Variants in PACS1 observed in about 807,000 individuals in gnomAD.
PACS1 encodes phosphofurin acidic cluster sorting protein 1.
PACS1 carries 24 observed loss-of-function variants against 115.0 expected under a neutral mutation model. The observed-to-expected ratio is 0.21, with a 90% CI of 0.15 to 0.29. PACS1 has a LOEUF of 0.29. Ranked by LOEUF, PACS1 falls within the 10% of genes least tolerant of loss-of-function variation. PACS1 has a pLI of 1.00. For synonymous variants in PACS1, 453 were observed against 504.5 expected, an observed-to-expected ratio of 0.90 and a Z score of 1.37; for missense variants, 838 against 1,251.2, an observed-to-expected ratio of 0.67 and a Z score of 4.98.
chr11:66,123,947 G>A (rs1409482860), intron 1 of PACS1, among the ~76,000 whole-genome samples: 2 of 151,746 alleles, frequency 1.3e-5, no homozygotes, highest in African/African-American at 2.4e-5. Context: ...CATGTCACTT[G>A]CGTTATTGCA....
intron 11 of PACS1, among the ~76,000 whole-genome samples, chr11:66,230,216 T>G (rs555282239): frequency 5.3e-5 from 8 of 149,906 alleles, no homozygotes; most frequent in Non-Finnish European, 1.0e-4. Flanking sequence ...TAAGGTCCGG[T>G]CAGGGCACCA....
rs113018139 is a variant in PACS1, at chr11:66,125,761, C to T, written c.356+54919C>T. Among the ~76,000 whole-genome samples the T allele has an allele frequency of 8.5e-3, 1,286 of 152,176 alleles. 8 individuals are homozygous for T. The highest frequency in any genetic ancestry group is 0.034 in the Middle Eastern group (10 of 294). Reference sequence around the variant, plus strand: ...TCCTGTTTAAAATATCTGGGCAGGCCGGGCATGGTGGCTCATGCCTGTAAT... The same window carrying T: ...TCCTGTTTAAAATATCTGGGCAGGCTGGGCATGGTGGCTCATGCCTGTAAT... On this transcript the variant is annotated intron_variant, in intron 1 of 23. Transcript: ENST00000320580.
chr11:66,235,976 G>T lies in PACS1; in HGVS notation c.2250+36G>T. 6.3e-7 allele frequency: 1 copy of T among 1,579,446 alleles called. No homozygotes were observed. Among genetic ancestry groups the T allele is most frequent in the Non-Finnish European group, 8.7e-7 (1 of 1,148,462 alleles). ...ACTCCCTCTGCTTGGCACCCCACCC[G>T]TTCTCCTGGTCTTCCTGTTCCCCCT... is the stretch of plus-strand genomic sequence containing the variant. On this transcript the variant is annotated intron_variant, in intron 19 of 23. Coordinates refer to ENST00000320580, the MANE Select transcript of PACS1 (RefSeq NM_018026.4). The surrounding 1 kb of genome is among the most constrained non-coding windows in gnomAD (Gnocchi z 5.6).
chr11:66,083,486 T>C (rs571941922), intron 1 of PACS1, among the ~76,000 whole-genome samples: 1 of 152,312 alleles, frequency 6.6e-6, no homozygotes, highest in African/African-American at 2.4e-5. Flanking sequence ...ATCATCTCAC[T>C]GGGGAAGCAA....
chr11:66,170,206 TA>T (rs1859703194), intron 1 of PACS1, among the ~76,000 whole-genome samples: 1 of 150,564 alleles, frequency 6.6e-6, no homozygotes, highest in Non-Finnish European at 1.5e-5. Context: ...ATTAGCCTCT[TA>T]AGACTAATAT....
At chr11:66,188,888 T>C (rs188130188) in intron 1 of PACS1, among the ~76,000 whole-genome samples, 228 of 152,338 alleles carry the variant, frequency 1.5e-3, no homozygotes, top group African/African-American at 5.3e-3. Flanking sequence ...AAAAAGTTCA[T>C]TTATAATTAA....
chr11:66,198,215 C>T (rs1854692211), intron 2 of PACS1, among the ~76,000 whole-genome samples: 1 of 152,208 alleles, frequency 6.6e-6, no homozygotes, highest in African/African-American at 2.4e-5. Flanking sequence ...GCCCGGTTCT[C>T]AAAAGGTTAA....
chr11:66,096,537 CTT>C (rs570119561), intron 1 of PACS1, among the ~76,000 whole-genome samples: 1 of 142,068 alleles, frequency 7.0e-6, no homozygotes, highest in African/African-American at 2.6e-5. Context: ...GAGTTTCACT[CTT>C]GTTGCCCAGG....
At chr11:66,146,783 A>T (rs1859133964) in intron 1 of PACS1, among the ~76,000 whole-genome samples, 1 of 152,198 alleles carries the variant, frequency 6.6e-6, no homozygotes, top group Non-Finnish European at 1.5e-5. Context: ...GTAGTGGCTC[A>T]CGCCTGTAAC....
At chr11:66,141,174 G>A (rs746343305) in intron 1 of PACS1, among the ~76,000 whole-genome samples, 3 of 152,086 alleles carry the variant, frequency 2.0e-5, no homozygotes, top group Non-Finnish European at 4.4e-5. Context: ...TGAACTTTTT[G>A]TATGTTTAAT....
intron 1 of PACS1, among the ~76,000 whole-genome samples, chr11:66,099,621 C>G (rs904108089): frequency 2.6e-5 from 4 of 152,030 alleles, no homozygotes; most frequent in Admixed American, 1.3e-4. Flanking sequence ...TATCAGCTCA[C>G]TGCAACCTCC....
intron 19 of PACS1, among the ~76,000 whole-genome samples, chr11:66,237,908 G>A (rs1484222356): frequency 6.6e-6 from 1 of 152,176 alleles, no homozygotes; most frequent in African/African-American, 2.4e-5. Flanking sequence ...CCTTGCTGTC[G>A]CGGCAGCCTC....
chr11:66,219,619 A>G, intron 7 of PACS1, 127 bp from the exon 8 acceptor site: 1 of 787,888 alleles, frequency 1.3e-6, no homozygotes, highest in South Asian at 1.4e-5. Context: ...AAGGGCAGAG[A>G]CCAAGTCCTC....
chr11:66,111,907 A>T (rs943879845), intron 1 of PACS1, among the ~76,000 whole-genome samples: 1 of 152,130 alleles, frequency 6.6e-6, no homozygotes, highest in East Asian at 1.9e-4. Flanking sequence ...TGGCCTCTCA[A>T]AGTGCTGGAA....
At chr11:66,214,996 A>G (rs577292639) in intron 4 of PACS1, among the ~76,000 whole-genome samples, 8 of 151,958 alleles carry the variant, frequency 5.3e-5, no homozygotes, top group Admixed American at 3.3e-4. Context: ...GCAATGGCAC[A>G]ATCACGACTC....
chr11:66,125,092 A>G (rs1208272286), intron 1 of PACS1, among the ~76,000 whole-genome samples: 2 of 152,336 alleles, frequency 1.3e-5, no homozygotes, highest in African/African-American at 4.8e-5. Flanking sequence ...TGCTATGAAC[A>G]TTGGTGAACA....
intron 1 of PACS1, among the ~76,000 whole-genome samples, chr11:66,088,295 G>A (rs1221925165): frequency 6.6e-6 from 1 of 151,680 alleles, no homozygotes; most frequent in Non-Finnish European, 1.5e-5. Flanking sequence ...CCTTTGTTTA[G>A]TACCTTTTAT....
intron 1 of PACS1, among the ~76,000 whole-genome samples, chr11:66,156,941 A>G (rs1276272965): frequency 1.3e-5 from 2 of 151,832 alleles, no homozygotes; most frequent in Non-Finnish European, 2.9e-5. Context: ...TAGGTTGTTT[A>G]TTCTCTTTCC....
At position 66,235,014 on chromosome 11, in the gene PACS1, A is replaced by AT. The variant is rs1855677982; in HGVS notation, c.2105-287_2105-286insT. On this transcript the variant is annotated intron_variant, in intron 17 of 23. Coordinates refer to ENST00000320580, the MANE Select transcript of PACS1 (RefSeq NM_018026.4). This position sits in a 1 kb window ranked among gnomAD's most constrained non-coding sequence, Gnocchi z 5.6. Reference sequence around the variant, plus strand: ...AAAGTCTGTGGGGTGAGGCTCCTCCAGGCCACCGGATGGGTATGTGCAAGG... The same window carrying AT: ...AAAGTCTGTGGGGTGAGGCTCCTCCATGGCCACCGGATGGGTATGTGCAAGG... Among the ~76,000 whole-genome samples, 1 of 152,206 alleles carries AT rather than the reference A, an allele frequency of 6.6e-6. No homozygotes were observed. Among genetic ancestry groups the AT allele is most frequent in the Non-Finnish European group, 1.5e-5 (1 of 68,040 alleles).
Sources: allele counts gnomAD v4.1 joint callset (sites outside exome capture counted in the v4.1 genomes callset), GRCh38; gene constraint gnomAD v4.1.1; non-coding constraint Gnocchi (gnomAD v3.1); transcripts MANE v1.5; gene names NCBI Gene and HGNC (gene_info 2026-07-23, HGNC 2026-07-21).